PDE4D: variants seen among roughly 807,000 people sequenced by gnomAD.
PDE4D encodes the protein phosphodiesterase 4D, also known as 3',5'-cyclic-AMP phosphodiesterase 4D.
PDE4D carries 24 observed loss-of-function variants against 87.4 expected under a neutral mutation model. The observed-to-expected ratio is 0.27, with a 90% CI of 0.20 to 0.39. The LOEUF (loss-of-function observed/expected upper bound fraction) is 0.39. Among genes scored for constraint, PDE4D ranks in the 10% least tolerant of loss-of-function variants. PDE4D has a pLI of 1.00. For synonymous variants in PDE4D, 384 were observed against 383.2 expected (o/e 1.00, Z -0.02); for missense variants, 714 against 1,041.0 (o/e 0.69, Z 4.32).
intron 1 of PDE4D, among the ~76,000 whole-genome samples, chr5:59,284,109 T>G (rs1215819315): frequency 6.6e-6 from 1 of 152,182 alleles, no homozygotes; most frequent in Non-Finnish European, 1.5e-5. Context: ...CAGGATTATC[T>G]TTCTTTTCTT....
At chr5:58,979,693 C>A (rs532486432) in intron 11 of PDE4D, among the ~76,000 whole-genome samples, 2 of 152,164 alleles carry the variant, frequency 1.3e-5, no homozygotes, top group African/African-American at 4.8e-5. Flanking sequence ...ATCTTCAAGC[C>A]CAATATAAGT....
At chr5:60,349,593 A>G (rs558126840) in intron 1 of PDE4D, among the ~76,000 whole-genome samples, 132 of 152,310 alleles carry the variant, frequency 8.7e-4, no homozygotes, top group African/African-American at 3.0e-3. Context: ...CCAATCACTT[A>G]CTTGGGCTGG....
intron 2 of PDE4D, among the ~76,000 whole-genome samples, chr5:60,015,086 T>C (rs1367458279): frequency 6.6e-6 from 1 of 152,326 alleles, no homozygotes; most frequent in African/African-American, 2.4e-5. Flanking sequence ...AATCCCTGTC[T>C]CATCAATGTA....
chr5:59,502,393 T>A (rs887037273), intron 1 of PDE4D, among the ~76,000 whole-genome samples: 1 of 152,074 alleles, frequency 6.6e-6, no homozygotes, highest in African/African-American at 2.4e-5. Flanking sequence ...TTTAATTACC[T>A]CCAACCAATG....
At chr5:59,265,924 A>G (rs1164803096) in intron 1 of PDE4D, among the ~76,000 whole-genome samples, 10 of 152,060 alleles carry the variant, frequency 6.6e-5, no homozygotes, top group Non-Finnish European at 2.9e-5. Context: ...TTGAGAGGAA[A>G]GAAGTAAATT....
chr5:60,080,184 C>T lies in PDE4D; in HGVS notation c.43-91467G>A, dbSNP rs1773768490. Among the ~76,000 whole-genome samples, 3 of 151,508 alleles carry T rather than the reference C, an allele frequency of 2.0e-5. No individual in the cohort carries two copies. In the South Asian group the frequency reaches 6.2e-4, roughly 31 times the overall value. On this transcript the variant is annotated intron_variant, in intron 2 of 16. Coordinates refer to the PDE4D transcript ENST00000502484. ...ATGATTTGGCTTTCTGCTTTGCTTTCCTATTATTGCTGTAAAAGAATGCTT... is the reference window on the plus strand; with the variant it reads ...ATGATTTGGCTTTCTGCTTTGCTTTTCTATTATTGCTGTAAAAGAATGCTT...
chr5:59,360,730 T>C (rs35285), intron 1 of PDE4D, among the ~76,000 whole-genome samples: 88,127 of 152,008 alleles, frequency 0.58, 26,238 homozygotes, highest in African/African-American at 0.7. Context: ...TCTACTTGAT[T>C]GAAAGGTCAA....
chr5:59,159,396 G>C lies in PDE4D; in HGVS notation c.808+21199C>G, dbSNP rs150637772. 2.2e-3 allele frequency among the ~76,000 whole-genome samples: 340 copies of C among 152,150 alleles called. 10 individuals are homozygous for C. In the East Asian group the frequency reaches 0.057, roughly 26 times the overall value. On this transcript the variant is annotated intron_variant, in intron 5 of 14. Transcript: ENST00000340635. ...GATCCTCCTGCCTCAGCCTCCCAAA[G>C]TGCTGCGATTAGAGGTGTGAGCCAC...
intron 3 of PDE4D, among the ~76,000 whole-genome samples, chr5:59,931,941 T>C (rs1273659879): frequency 6.6e-6 from 1 of 152,142 alleles, no homozygotes; most frequent in East Asian, 1.9e-4. Context: ...GACCTCGTAA[T>C]CTGCCCGCCT....
intron 2 of PDE4D, among the ~76,000 whole-genome samples, chr5:60,078,007 C>A (rs549330890): frequency 4.1e-4 from 63 of 152,256 alleles, no homozygotes; most frequent in Non-Finnish European, 6.9e-4. Flanking sequence ...AGTGCCTTCC[C>A]TGTGAAGATC....
intron 1 of PDE4D, among the ~76,000 whole-genome samples, chr5:59,771,483 A>AAGAGAG (rs1175904019): frequency 1.7e-4 from 9 of 54,400 alleles, no homozygotes; most frequent in Admixed American, 3.6e-4. Context: ...GAAAGAAAGA[A>AAGAGAG]AGAGAGAGAG....
intron 2 of PDE4D, among the ~76,000 whole-genome samples, chr5:60,003,913 T>A (rs1194700814): frequency 6.6e-6 from 1 of 152,046 alleles, no homozygotes; most frequent in Non-Finnish European, 1.5e-5. Flanking sequence ...AGGGCATGAA[T>A]AATATACAAT....
intron 1 of PDE4D, among the ~76,000 whole-genome samples, chr5:59,712,393 CATATATATAT>C (rs5868190): frequency 0.025 from 3,012 of 122,538 alleles, 57 homozygotes; most frequent in East Asian, 0.069. Context: ...TAATATTATT[CATATATATAT>C]ATATATATAT....
At chr5:59,205,903 C>G (rs1334208245) in intron 2 of PDE4D, among the ~76,000 whole-genome samples, 2 of 152,148 alleles carry the variant, frequency 1.3e-5, no homozygotes, top group African/African-American at 4.8e-5. Context: ...ACATCATTTA[C>G]TGAACTGGTG....
intron 6 of PDE4D, among the ~76,000 whole-genome samples, chr5:59,000,572 G>A (rs1294583163): frequency 2.0e-5 from 3 of 152,300 alleles, no homozygotes; most frequent in Non-Finnish European, 2.9e-5. Context: ...AAATCTAGGG[G>A]TGGGACCACT....
At chr5:59,838,049 A>G (rs574895490) in intron 1 of PDE4D, among the ~76,000 whole-genome samples, 4 of 152,208 alleles carry the variant, frequency 2.6e-5, no homozygotes, top group Admixed American at 2.6e-4. Flanking sequence ...AGAATGCTAG[A>G]ATAATGCTAT....
At chr5:59,337,791 T>C (rs1777988460) in intron 1 of PDE4D, among the ~76,000 whole-genome samples, 2 of 152,162 alleles carry the variant, frequency 1.3e-5, no homozygotes. Flanking sequence ...TGTCACGTTG[T>C]TTTTGCCTTT....
At chr5:60,421,683 G>A (rs141318453) in intron 1 of PDE4D, among the ~76,000 whole-genome samples, 4,357 of 152,284 alleles carry the variant, frequency 0.029, 198 homozygotes, top group African/African-American at 0.1. Flanking sequence ...AAAGCTGGAC[G>A]GAGAATGACT....
chr5:59,574,070 A>ATT (rs1444144578), intron 1 of PDE4D, among the ~76,000 whole-genome samples: 2 of 18,348 alleles, frequency 1.1e-4, no homozygotes, highest in Non-Finnish European at 1.0e-4. Flanking sequence ...AAATATATAT[A>ATT]TTTATATATA....
Sources: allele counts gnomAD v4.1 joint callset (sites outside exome capture counted in the v4.1 genomes callset), GRCh38; gene constraint gnomAD v4.1.1; transcripts MANE v1.5; gene names NCBI Gene and HGNC (gene_info 2026-07-23, HGNC 2026-07-21).